FNDC3B: variants seen among roughly 807,000 people sequenced by gnomAD.
FNDC3B encodes the protein fibronectin type III domain containing 3B, also known as fibronectin type III domain-containing protein 3B.
In FNDC3B, 12 loss-of-function variants were observed where a neutral mutation model predicts 151.5. That is an observed-to-expected ratio of 0.08 (90% CI 0.05 to 0.13). The LOEUF (loss-of-function observed/expected upper bound fraction) is 0.13, where lower values mean the gene tolerates loss of function less well. Among genes scored for constraint, FNDC3B ranks in the 10% least tolerant of loss-of-function variants. FNDC3B has a pLI of 1.00. For missense variants in FNDC3B, 1,214 were observed against 1,505.3 expected (o/e 0.81, Z 3.20); for synonymous variants, 528 against 549.0 (o/e 0.96, Z 0.54).
At chr3:172,308,558 G>A (rs1485340961) in intron 10 of FNDC3B, among the ~76,000 whole-genome samples, 1 of 152,170 alleles carries the variant, frequency 6.6e-6, no homozygotes, top group Non-Finnish European at 1.5e-5. Context: ...CTAGGGAGCT[G>A]ATGAAAGCAA....
chr3:172,147,312 A>AAC (rs1553766310), intron 3 of FNDC3B, among the ~76,000 whole-genome samples: 1 of 146,422 alleles, frequency 6.8e-6, no homozygotes, highest in African/African-American at 2.6e-5. Context: ...TCTCCAAACA[A>AAC]AAAAAAAAAA....
At chr3:172,337,028 T>G (rs1289261021) in intron 15 of FNDC3B, among the ~76,000 whole-genome samples, 1 of 152,190 alleles carries the variant, frequency 6.6e-6, no homozygotes, top group Non-Finnish European at 1.5e-5. Context: ...AAAGAGCACC[T>G]TCAAGTAAAT....
chr3:172,320,554 G>T (rs1392162362), intron 11 of FNDC3B, among the ~76,000 whole-genome samples: 1 of 152,138 alleles, frequency 6.6e-6, no homozygotes, highest in Non-Finnish European at 1.5e-5. Flanking sequence ...TTATAAAGAG[G>T]AACAGGAAGT....
intron 6 of FNDC3B, among the ~76,000 whole-genome samples, chr3:172,267,980 C>T (rs1729010806): frequency 1.3e-5 from 2 of 152,128 alleles, no homozygotes; most frequent in African/African-American, 2.4e-5. Flanking sequence ...GTGTCATATG[C>T]CAAGTGGGTG....
intron 1 of FNDC3B, among the ~76,000 whole-genome samples, chr3:172,071,439 A>G (rs1036406706): frequency 1.3e-5 from 2 of 152,158 alleles, no homozygotes. Context: ...ATCTTTAGGT[A>G]TATATATATT....
At chr3:172,311,872 C>T (rs1731519185) in intron 11 of FNDC3B, among the ~76,000 whole-genome samples, 1 of 147,888 alleles carries the variant, frequency 6.8e-6, no homozygotes, top group Non-Finnish European at 1.5e-5. Flanking sequence ...AGCAAGACTC[C>T]GTCTCAAAAA....
chr3:172,315,701 C>T (rs1009151908), intron 11 of FNDC3B, among the ~76,000 whole-genome samples: 9 of 152,182 alleles, frequency 5.9e-5, no homozygotes, highest in East Asian at 3.8e-4. Flanking sequence ...TCCCCGCCCC[C>T]GTGTTTACAC....
chr3:172,197,982 A>T (rs1724928489), intron 3 of FNDC3B, among the ~76,000 whole-genome samples: 1 of 152,170 alleles, frequency 6.6e-6, no homozygotes, highest in Non-Finnish European at 1.5e-5. Context: ...TGCTCATCAG[A>T]TTGTTGATTT....
At chr3:172,157,296 T>C (rs1722539658) in intron 3 of FNDC3B, among the ~76,000 whole-genome samples, 2 of 152,134 alleles carry the variant, frequency 1.3e-5, no homozygotes. Flanking sequence ...ATTTTTTTTT[T>C]CAAACTTTTA....
intron 3 of FNDC3B, among the ~76,000 whole-genome samples, chr3:172,197,730 T>G (rs891380457): frequency 2.6e-5 from 4 of 152,228 alleles, no homozygotes; most frequent in African/African-American, 4.8e-5. Flanking sequence ...AGTTGATATA[T>G]CCTCATGATT....
At chr3:172,102,242 A>G (rs1719409731) in intron 1 of FNDC3B, among the ~76,000 whole-genome samples, 1 of 152,216 alleles carries the variant, frequency 6.6e-6, no homozygotes, top group Non-Finnish European at 1.5e-5. Context: ...AATGGACAAT[A>G]CCAGCTACTT....
chr3:172,217,647 T>G (rs936328707), intron 3 of FNDC3B, among the ~76,000 whole-genome samples: 32 of 65,514 alleles, frequency 4.9e-4, no homozygotes, highest in Non-Finnish European at 7.9e-4. Context: ...GTGTATAGGG[T>G]TTTTTTTTTA....
At chr3:172,355,669 G>A (rs1734061412) in intron 22 of FNDC3B, among the ~76,000 whole-genome samples, 2 of 152,150 alleles carry the variant, frequency 1.3e-5, no homozygotes, top group Admixed American at 1.3e-4. Flanking sequence ...AGGTGTTTGA[G>A]CCCTACACCT....
At chr3:172,171,615 T>C (rs1261979375) in intron 3 of FNDC3B, among the ~76,000 whole-genome samples, 1 of 120,140 alleles carries the variant, frequency 8.3e-6, no homozygotes, top group Admixed American at 8.1e-5. Context: ...TTTTTTTTTT[T>C]TTTGGAAAGT....
At chr3:172,074,501 G>A (rs935535632) in intron 1 of FNDC3B, among the ~76,000 whole-genome samples, 4 of 152,144 alleles carry the variant, frequency 2.6e-5, no homozygotes, top group African/African-American at 7.2e-5. Flanking sequence ...CTGTTACTTC[G>A]TGCTTTTGCA....
Position 172,330,755 on chromosome 3 carries a change from G to A in FNDC3B, c.1554+40G>A, listed in dbSNP as rs61995683. The stretch of plus-strand genomic sequence containing the variant: ...TTTTATACTTCTCTGTGTTTTGTAC[G>A]AGTCAGTATTATTATAGCTACAGGG... On this transcript the variant is annotated intron_variant, in intron 13 of 25. Transcript: ENST00000415807. The A allele has an allele frequency of 0.049, 73,890 of 1,516,360 alleles. 2,060 individuals are homozygous for A. The highest frequency in any genetic ancestry group is 0.057 in the Non-Finnish European group (63,090 of 1,100,552). The allele number at this position is 1,516,360 out of a possible 1,614,324, so 93.9% of individuals were successfully genotyped here.
chr3:172,352,838 A>C lies in FNDC3B; in HGVS notation c.2550A>C (p.Glu850Asp), dbSNP rs762512509. ...FNQAGAGPYSELVLCQTPASA... is the reference protein window; with the variant it reads ...FNQAGAGPYSDLVLCQTPASA... ...AAGCAGGGGCAGGGCCGTACAGTGA[A>C]CTTGTCCTTTGCCAGACGCCAGCGT... Residue 850 changes from glutamate (E) to aspartate (D), a missense_variant, in exon 22 of 26, where the codon GAA becomes GAC. Physicochemically the swap from Glu to Asp is conservative, Grantham distance 45 (BLOSUM62 2). Around this residue, in one of 7 missense-constraint regions of FNDC3B, gnomAD observed 380 missense variants for 420.9 expected, o/e 0.90. Transcript: ENST00000415807. This position sits in a 1 kb window ranked among gnomAD's most constrained non-coding sequence, Gnocchi z 4.2. The C allele has an allele frequency of 1.2e-6, 2 of 1,614,094 alleles. No homozygotes were observed. The highest frequency in any genetic ancestry group is 2.2e-5 in the South Asian group (2 of 91,082).
intron 4 of FNDC3B, among the ~76,000 whole-genome samples, chr3:172,235,502 G>T (rs1264972419): frequency 6.6e-6 from 1 of 152,156 alleles, no homozygotes; most frequent in African/African-American, 2.4e-5. Flanking sequence ...TAGAACCATA[G>T]CTCTGTTACT....
At position 172,275,342 on chromosome 3, in the gene FNDC3B, TGAA is replaced by T. The variant is rs201470372; in HGVS notation, c.791-10583_791-10581del. Among the ~76,000 whole-genome samples the T allele has an allele frequency of 4.3e-3, 662 of 152,276 alleles. 6 individuals are homozygous for T. The highest frequency in any genetic ancestry group is 0.015 in the African/African-American group (624 of 41,560). Reference sequence around the variant, plus strand: ...ATGCAGAAGACATTAAGGCCTATGATGAATGTCATGTTTTGAACAACAAGGGCA... The same window carrying T: ...ATGCAGAAGACATTAAGGCCTATGATTGTCATGTTTTGAACAACAAGGGCA... On this transcript the variant is annotated intron_variant, in intron 6 of 25. Transcript: ENST00000415807.
Sources: gnomAD v4.1 joint callset for allele counts (sites outside exome capture counted in the v4.1 genomes callset) on GRCh38, gnomAD v4.1.1 for gene constraint, gnomAD v4.1.1 regional missense constraint, Gnocchi (gnomAD v3.1) non-coding constraint, MANE v1.5 for transcripts, NCBI Gene and HGNC (gene_info 2026-07-23, HGNC 2026-07-21) for gene names.